The following CFAP299 variants were observed in gnomAD, a reference collection of about 807,000 sequenced individuals.
CFAP299 encodes the protein cilia and flagella associated protein 299, also known as cilia- and flagella-associated protein 299.
CFAP299 carries 21 observed loss-of-function variants against 27.0 expected under a neutral mutation model. The observed-to-expected ratio is 0.78, with a 90% CI of 0.55 to 1.12. CFAP299 has a LOEUF of 1.12. Among genes scored for constraint, CFAP299 ranks in the 50% most tolerant of loss-of-function variants. The probability of loss-of-function intolerance (pLI) is 0.00; values close to 1 mark genes in which losing one functional copy is unlikely to be tolerated. For synonymous variants in CFAP299, 104 were observed against 98.1 expected (o/e 1.06, Z -0.36); for missense variants, 310 against 276.6 (o/e 1.12, Z -0.86).
At chr4:80,889,683 G>T (rs566490411) in intron 4 of CFAP299, among the ~76,000 whole-genome samples, 1 of 151,828 alleles carries the variant, frequency 6.6e-6, no homozygotes, top group Non-Finnish European at 1.5e-5. Flanking sequence ...ATGGAAAACT[G>T]CAGGCCAATA....
chr4:80,577,002 A>AT (rs1482094374), intron 2 of CFAP299, among the ~76,000 whole-genome samples: 2 of 152,210 alleles, frequency 1.3e-5, no homozygotes, highest in East Asian at 1.9e-4. Flanking sequence ...GAACCCCCAG[A>AT]TAAAGTCTGC....
chr4:80,826,377 T>C (rs190372796), intron 3 of CFAP299, among the ~76,000 whole-genome samples: 274 of 151,902 alleles, frequency 1.8e-3, no homozygotes, highest in African/African-American at 6.3e-3. Flanking sequence ...TCAGTAATTA[T>C]TTTAAATGTA....
intron 5 of CFAP299, 101 bp from the exon 6 acceptor site, chr4:80,963,416 T>G (rs1283290308): frequency 7.3e-6 from 5 of 681,180 alleles, no homozygotes; most frequent in Non-Finnish European, 1.2e-5. Flanking sequence ...AACTTGCTAG[T>G]TTTTTTTTCT....
intron 2 of CFAP299, among the ~76,000 whole-genome samples, chr4:80,546,696 C>T: frequency 6.6e-6 from 1 of 151,862 alleles, no homozygotes; most frequent in East Asian, 1.9e-4. Flanking sequence ...TGGCACTTCA[C>T]TCCTACTCTC....
intron 4 of CFAP299, among the ~76,000 whole-genome samples, chr4:80,894,160 A>T (rs1734492416): frequency 6.6e-6 from 1 of 151,992 alleles, no homozygotes; most frequent in African/African-American, 2.4e-5. Context: ...TCAAAATCAC[A>T]ATAAAATATC....
chr4:80,685,887 G>A (rs1426148911), intron 3 of CFAP299, among the ~76,000 whole-genome samples: 2 of 152,104 alleles, frequency 1.3e-5, no homozygotes, highest in Non-Finnish European at 2.9e-5. Context: ...TTAGGGCTGA[G>A]GCAGAAATTG....
chr4:80,800,059 A>C (rs1192980055), intron 3 of CFAP299, among the ~76,000 whole-genome samples: 1 of 67,738 alleles, frequency 1.5e-5, no homozygotes, highest in Admixed American at 2.8e-4. Context: ...TAAATGCTAT[A>C]ATATATATTA....
chr4:80,842,137 T>C (rs1478855277), intron 3 of CFAP299, among the ~76,000 whole-genome samples: 1 of 152,074 alleles, frequency 6.6e-6, no homozygotes, highest in East Asian at 1.9e-4. Flanking sequence ...CCCCTGGATA[T>C]AAAAAGCAAA....
intron 1 of CFAP299, among the ~76,000 whole-genome samples, chr4:80,353,063 C>G (rs1723090799): frequency 6.6e-6 from 1 of 152,026 alleles, no homozygotes; most frequent in Non-Finnish European, 1.5e-5. Context: ...TAACAAAGAG[C>G]AGAAATCAGT....
chr4:80,332,762 A>G (rs1578323050), upstream of CFAP299, among the ~76,000 whole-genome samples: 1 of 152,188 alleles, frequency 6.6e-6, no homozygotes, highest in Non-Finnish European at 1.5e-5. Flanking sequence ...CCTGCTTGCA[A>G]CTGGCAGCTC....
At chr4:80,920,058 C>T (rs922737003) in intron 4 of CFAP299, among the ~76,000 whole-genome samples, 12 of 152,116 alleles carry the variant, frequency 7.9e-5, no homozygotes, top group Non-Finnish European at 1.3e-4. Context: ...GTACATTCTT[C>T]CCACCTCCAC....
intron 2 of CFAP299, among the ~76,000 whole-genome samples, chr4:80,538,223 A>G (rs2110195718): frequency 6.6e-6 from 1 of 152,268 alleles, no homozygotes; most frequent in South Asian, 2.1e-4. Context: ...TAAATCTTAA[A>G]AAATACATAA....
rs114258545 is a variant in CFAP299, at chr4:80,492,406, G to A, written c.243-90687G>A. Among the ~76,000 whole-genome samples, 726 of 152,212 alleles carry A rather than the reference G, an allele frequency of 4.8e-3. 5 individuals carry two copies. Among genetic ancestry groups the A allele is most frequent in the African/African-American group, 0.017 (692 of 41,522 alleles). On this transcript the variant is annotated intron_variant, in intron 2 of 5. Transcript: ENST00000358105. ...CAATGCACTGTCAGAATTAATGATA[G>A]GAATGTTTGTGAGAGTAAATAAACA...
intron 3 of CFAP299, among the ~76,000 whole-genome samples, chr4:80,604,817 C>T (rs531968333): frequency 7.5e-4 from 113 of 150,676 alleles, no homozygotes; most frequent in African/African-American, 2.6e-3. Context: ...TTGCACGTCA[C>T]ATCAGAAACG....
intron 3 of CFAP299, among the ~76,000 whole-genome samples, chr4:80,743,506 A>T (rs1184884813): frequency 6.6e-6 from 1 of 152,196 alleles, no homozygotes; most frequent in Non-Finnish European, 1.5e-5. Context: ...AAAATATTAC[A>T]TTGAATCTTA....
chr4:80,497,878 C>G (rs950060000), intron 2 of CFAP299, among the ~76,000 whole-genome samples: 4 of 152,084 alleles, frequency 2.6e-5, no homozygotes, highest in African/African-American at 4.8e-5. Context: ...GCTGCAGTAA[C>G]CAAAACAGTA....
chr4:80,780,682 A>G (rs1726820630), intron 3 of CFAP299, among the ~76,000 whole-genome samples: 1 of 152,032 alleles, frequency 6.6e-6, no homozygotes, highest in Non-Finnish European at 1.5e-5. Context: ...GACTATATAC[A>G]TAGGACTATT....
chr4:80,833,932 G>T (rs1342779305), intron 3 of CFAP299, among the ~76,000 whole-genome samples: 1 of 152,196 alleles, frequency 6.6e-6, no homozygotes, highest in Non-Finnish European at 1.5e-5. Flanking sequence ...AAGCTAAAGA[G>T]ACCATTCCAA....
At chr4:80,657,340 C>G (rs986680433) in intron 3 of CFAP299, among the ~76,000 whole-genome samples, 17 of 152,054 alleles carry the variant, frequency 1.1e-4, no homozygotes, top group Non-Finnish European at 2.5e-4. Context: ...AGGTTTTCTT[C>G]TAGGGTTTTT....
Sources: gnomAD v4.1 joint callset for allele counts (sites outside exome capture counted in the v4.1 genomes callset) on GRCh38, gnomAD v4.1.1 for gene constraint, MANE v1.5 for transcripts, NCBI Gene and HGNC (gene_info 2026-07-23, HGNC 2026-07-21) for gene names.